Variants in LRP6 observed in about 807,000 individuals in gnomAD.
LRP6 encodes low-density lipoprotein receptor-related protein 6.
In LRP6, 43 loss-of-function variants were observed where a neutral mutation model predicts 184.1. The observed-to-expected ratio is 0.23, with a 90% CI of 0.18 to 0.30. The LOEUF (loss-of-function observed/expected upper bound fraction) is 0.30. Ranked by LOEUF, LRP6 falls within the 10% of genes least tolerant of loss-of-function variation. The probability of loss-of-function intolerance (pLI) is 1.00; values close to 1 mark genes in which losing one functional copy is unlikely to be tolerated. For synonymous variants in LRP6, 719 were observed against 684.9 expected (o/e 1.05, Z -0.78); for missense variants, 1,571 against 2,005.3 (o/e 0.78, Z 4.14).
rs895461551 is a variant in LRP6 at position 12,153,299 on chromosome 12, A to G, written c.2792-2261T>C. 5.9e-5 allele frequency among the ~76,000 whole-genome samples: 9 copies of G among 152,316 alleles called. 1 individual carries two copies. The East Asian group carries it at 1.5e-3, about 26-fold the overall frequency. ...AGGCTGGGAGTTCAAGACCAGCCTGAACAACCCAGCAAGACCCCCTTCTGT... is the reference window on the plus strand; with the variant it reads ...AGGCTGGGAGTTCAAGACCAGCCTGGACAACCCAGCAAGACCCCCTTCTGT... On this transcript the variant is annotated intron_variant, in intron 12 of 22. Coordinates refer to ENST00000261349, the MANE Select transcript of LRP6 (RefSeq NM_002336.3).
chr12:12,154,043 G>A (rs1950117300), intron 12 of LRP6, among the ~76,000 whole-genome samples: 1 of 152,196 alleles, frequency 6.6e-6, no homozygotes. Flanking sequence ...AATCTGCTCA[G>A]AGGAAACATC....
At chr12:12,252,962 T>C (rs988699360) in intron 1 of LRP6, among the ~76,000 whole-genome samples, 1 of 152,322 alleles carries the variant, frequency 6.6e-6, no homozygotes, top group South Asian at 2.1e-4. Flanking sequence ...CTAGCCACTC[T>C]TCTTTAAAAT....
At position 12,125,375 on chromosome 12, in the gene LRP6, C is replaced by A. The variant is rs374072779; in HGVS notation, c.4370G>T (p.Gly1457Val). ...AACATGGGCTCGGTCATAGGGGGGT[C>A]CACTGCTTCCCCCCATGATACTGAG... ...SSLSIMGGSS[G>V]PPYDRAHVTG... The change falls in exon 21 of 23, where the codon GGA becomes GTA. Residue 1457 changes from glycine to valine, a missense_variant. By Grantham distance (109) the Gly-to-Val change is moderately radical. Coordinates refer to ENST00000261349, the MANE Select transcript of LRP6 (RefSeq NM_002336.3). The A allele has an allele frequency of 4.3e-5, 70 of 1,613,422 alleles. No individual in the cohort carries two copies. The highest frequency in any genetic ancestry group is 5.6e-5 in the Non-Finnish European group (66 of 1,179,618).
At chr12:12,147,724 C>A (rs1950029889) in intron 14 of LRP6, among the ~76,000 whole-genome samples, 168 bp from the exon 15 acceptor site, 1 of 152,118 alleles carries the variant, frequency 6.6e-6, no homozygotes, top group Non-Finnish European at 1.5e-5. Flanking sequence ...GTAATCTCAG[C>A]ACTTTGGGAG....
At chr12:12,249,313 G>A (rs1865265197) in intron 1 of LRP6, 3 of 1,139,562 alleles carry the variant, frequency 2.6e-6, no homozygotes, top group Admixed American at 1.7e-5. Context: ...ATCAGTGCTA[G>A]CAAAATGGCA....
chr12:12,131,030 G>T (rs1295469744), intron 18 of LRP6, 137 bp from the exon 19 acceptor site: 11 of 635,896 alleles, frequency 1.7e-5, no homozygotes, highest in Non-Finnish European at 3.1e-5. Flanking sequence ...ATTATTCTCT[G>T]GAGTTCCATT....
chr12:12,148,919 T>C (rs746374982), intron 14 of LRP6, 23 bp downstream of exon 14: 7 of 1,583,196 alleles, frequency 4.4e-6, no homozygotes, highest in Non-Finnish European at 6.1e-6. Context: ...CCACAGTATC[T>C]GAACGCCACT....
chr12:12,187,234 T>C, intron 3 of LRP6, 115 bp from the exon 4 acceptor site: 6 of 814,618 alleles, frequency 7.4e-6, no homozygotes, highest in South Asian at 7.3e-5. Context: ...AAATCTTGAG[T>C]AATACATACC....
intron 22 of LRP6, among the ~76,000 whole-genome samples, chr12:12,123,106 C>T (rs946842268): frequency 6.6e-6 from 1 of 150,900 alleles, no homozygotes; most frequent in Non-Finnish European, 1.5e-5. Flanking sequence ...AAACCAAAAT[C>T]TCAACAAATG....
chr12:12,205,328 A>AC (rs1864026840), intron 2 of LRP6, among the ~76,000 whole-genome samples: 1 of 109,258 alleles, frequency 9.2e-6, no homozygotes, highest in African/African-American at 4.4e-5. Context: ...TCTCAAACAA[A>AC]CAAAAAAAAA....
chr12:12,127,005 G>T, intron 19 of LRP6, 84 bp from the exon 20 acceptor site: 1 of 1,133,676 alleles, frequency 8.8e-7, no homozygotes, highest in Non-Finnish European at 1.3e-6. Flanking sequence ...CTTGCTAATA[G>T]GATGTGAAGC....
At chr12:12,211,032 G>A (rs915395537) in intron 2 of LRP6, 6 of 152,114 alleles carry the variant, frequency 3.9e-5, no homozygotes, top group Admixed American at 2.0e-4. Flanking sequence ...ATCATGTGTT[G>A]GTATCATATT....
chr12:12,160,499 T>C (rs982645571), intron 10 of LRP6, among the ~76,000 whole-genome samples: 1 of 152,038 alleles, frequency 6.6e-6, no homozygotes, highest in African/African-American at 2.4e-5. Flanking sequence ...AGCTTGAAAA[T>C]GTATTTGGTC....
intron 2 of LRP6, among the ~76,000 whole-genome samples, chr12:12,206,542 C>CA (rs60179716): frequency 1.1e-3 from 128 of 116,864 alleles, no homozygotes; most frequent in East Asian, 5.8e-3. Flanking sequence ...GACTCCATCT[C>CA]AAAAAAAAAA....
intron 1 of LRP6, among the ~76,000 whole-genome samples, chr12:12,255,678 C>A (rs1031307593): frequency 6.7e-6 from 1 of 148,408 alleles, no homozygotes; most frequent in African/African-American, 2.5e-5. Flanking sequence ...TCAAGCGATT[C>A]TCCCTCCTCA....
Position 12,164,262 on chromosome 12 carries a change from C to A in LRP6, c.2052+11G>T. 1 of 1,612,530 alleles carries A rather than the reference C, an allele frequency of 6.2e-7. No individual in the cohort carries two copies. Among genetic ancestry groups the A allele is most frequent in the Non-Finnish European group, 8.5e-7 (1 of 1,179,478 alleles). On this transcript the variant is annotated intron_variant, in intron 9 of 22. Transcript: ENST00000261349. ...AGTCCCTAGCTTTAATATTCCAATT[C>A]TTTTGCTAACCTTGAGTGATATATC...
rs768380819 is a variant in LRP6, at chr12:12,162,164, G to T, written c.2279+29C>A. The stretch of plus-strand genomic sequence containing the variant: ...GTTCCCCGAAATGTACACTGCAGTT[G>T]CAAAGAATGCACATGTAAAGCTGTT... On this transcript the variant is annotated intron_variant, in intron 10 of 22. Transcript: ENST00000261349. 2.6e-6 allele frequency: 4 copies of T among 1,560,574 alleles called. No individual in the cohort carries two copies. The South Asian group carries it at 4.4e-5, about 17-fold the overall frequency.
At chr12:12,231,717 C>CA (rs1325420871) in intron 2 of LRP6, among the ~76,000 whole-genome samples, 3 of 149,104 alleles carry the variant, frequency 2.0e-5, no homozygotes, top group South Asian at 2.1e-4. Flanking sequence ...TAAACAACAA[C>CA]AAAAAAAACT....
chr12:12,249,302 T>C lies in LRP6; in HGVS notation c.56-4647A>G, dbSNP rs115032830. 270 of 1,133,750 alleles carry C rather than the reference T, an allele frequency of 2.4e-4. No homozygotes were observed. The African/African-American group carries it at 3.6e-3, about 15-fold the overall frequency. The allele number at this position is 1,133,750 out of a possible 1,614,324, so 70.2% of individuals were successfully genotyped here. A position where few individuals can be genotyped will look rare whatever the true frequency, so the allele number is the denominator to read the frequency against. On this transcript the variant is annotated intron_variant, in intron 1 of 22. Transcript: ENST00000261349. ...AATGGATTGGTGGACCCAAGAGCCA[T>C]ATCAGTGCTAGCAAAATGGCAGAAT...
Sources: allele counts gnomAD v4.1 joint callset (sites outside exome capture counted in the v4.1 genomes callset), GRCh38; gene constraint gnomAD v4.1.1; transcripts MANE v1.5; gene names NCBI Gene and HGNC (gene_info 2026-07-23, HGNC 2026-07-21).